The following FLT3 variants were observed in gnomAD, a reference collection of about 807,000 sequenced individuals.
FLT3 encodes receptor-type tyrosine-protein kinase FLT3.
FLT3 carries 46 observed loss-of-function variants against 126.6 expected under a neutral mutation model. The ratio of observed to expected loss-of-function variants is 0.36; its 90% CI spans 0.29 to 0.46. The LOEUF (loss-of-function observed/expected upper bound fraction) is 0.46, where lower values mean the gene tolerates loss of function less well. Among genes scored for constraint, FLT3 ranks in the 20% least tolerant of loss-of-function variants. The probability of loss-of-function intolerance (pLI) is 1.00; values close to 1 mark genes in which losing one functional copy is unlikely to be tolerated. For synonymous variants in FLT3, 404 were observed against 434.4 expected, an observed-to-expected ratio of 0.93 and a Z score of 0.87; for missense variants, 1,069 against 1,190.3, an observed-to-expected ratio of 0.90 and a Z score of 1.50.
rs146263595 is a variant in FLT3, at chr13:28,017,522, C to G, written c.2541+945G>C. Among the ~76,000 whole-genome samples the G allele has an allele frequency of 2.2e-3, 339 of 152,302 alleles. 2 individuals carry two copies. Among genetic ancestry groups the G allele is most frequent in the African/African-American group, 7.1e-3 (293 of 41,558 alleles). On this transcript the variant is annotated intron_variant, in intron 20 of 23. Transcript: ENST00000241453. The stretch of plus-strand genomic sequence containing the variant: ...ATTAAAGGCGTGAGCCACCAGCACC[C>G]AGCCAGGTATTGTAATTCTTTAAAA...
intron 9 of FLT3, among the ~76,000 whole-genome samples, chr13:28,038,731 G>A (rs2491238): frequency 0.73 from 110,395 of 152,004 alleles, 41,310 homozygotes; most frequent in East Asian, 0.87. Context: ...GGGATTACAT[G>A]CATGAGCCAC....
rs1170660721 is a variant in FLT3, at chr13:28,052,583, C to T, written c.576G>A (p.Pro192=). 5 of 1,613,592 alleles carry T rather than the reference C, an allele frequency of 3.1e-6. No individual in the cohort carries two copies. The highest frequency in any genetic ancestry group is 2.7e-5 in the African/African-American group (2 of 75,008). ...AATCGCAAAGCACCCATTCCACGAT[C>T]GGCTCTGGAACGCTCTCAGATATGC... is the stretch of plus-strand genomic sequence containing the variant. ...LVCISESVPE[P]IVEWVLCDSQ... The change falls in exon 5 of 24, where the codon CCG becomes CCA. Residue 192 remains proline (P), a synonymous_variant. Transcript: ENST00000241453.
intron 17 of FLT3, among the ~76,000 whole-genome samples, chr13:28,026,484 TGAG>T (rs1289032415): frequency 6.6e-6 from 1 of 151,478 alleles, no homozygotes; most frequent in Admixed American, 6.6e-5. Flanking sequence ...AGTTCAAGGA[TGAG>T]GAGGAGATCC....
rs1249272183 is a variant in FLT3, at chr13:28,062,002, G to T, written c.233C>A (p.Ala78Asp). 1 of 1,613,422 alleles carries T rather than the reference G, an allele frequency of 6.2e-7. No homozygotes were observed. Among genetic ancestry groups the T allele is most frequent in the East Asian group, 2.2e-5 (1 of 44,872 alleles). Residue 78 changes from alanine (A) to aspartate (D), a missense_variant, in exon 3 of 24, where the codon GCT (alanine) becomes GAT (aspartate). Physicochemically the swap from Ala to Asp is moderately radical, Grantham distance 126 (BLOSUM62 -2). Transcript: ENST00000241453. ...RPQSSGTVYE[A>D]AAVEVDVSAS... The stretch of plus-strand genomic sequence containing the variant: ...AGATACATCCACTTCCACAGCGGCA[G>T]CTTCGTACACTGTCCCTGAGCTCTG...
At chr13:28,023,733 T>C (rs745579365) in intron 18 of FLT3, among the ~76,000 whole-genome samples, 3 of 152,216 alleles carry the variant, frequency 2.0e-5, no homozygotes, top group African/African-American at 4.8e-5. Flanking sequence ...TCAGGAGTTT[T>C]AGATACTTCT....
chr13:28,034,679 G>C (rs1157722706), intron 12 of FLT3, among the ~76,000 whole-genome samples: 3 of 152,158 alleles, frequency 2.0e-5, no homozygotes, highest in East Asian at 1.9e-4. Flanking sequence ...TCTGGTCCAG[G>C]CACGATGGCT....
intron 5 of FLT3, 118 bp from the exon 6 acceptor site, chr13:28,050,340 CA>C: frequency 1.1e-6 from 1 of 943,488 alleles, no homozygotes; most frequent in East Asian, 2.6e-5. Flanking sequence ...AACAAAAGGT[CA>C]AAAGGTAAAC....
intron 18 of FLT3, among the ~76,000 whole-genome samples, chr13:28,024,282 C>T (rs1366337066): frequency 6.6e-6 from 1 of 152,046 alleles, no homozygotes; most frequent in Non-Finnish European, 1.5e-5. Context: ...CAGGCGTGCA[C>T]CACCATACCC....
chr13:28,042,537 C>T lies in FLT3; in HGVS notation c.1206-5249G>A, dbSNP rs1227079333. On this transcript the variant is annotated intron_variant, in intron 9 of 23. Transcript: ENST00000241453. ...GAAGGAATAAAGGGTGTTGGCTTTGCCTTCTGTGATTGGGCAAGTAATTTA... is the reference window on the plus strand; with the variant it reads ...GAAGGAATAAAGGGTGTTGGCTTTGTCTTCTGTGATTGGGCAAGTAATTTA... 2.6e-5 allele frequency among the ~76,000 whole-genome samples: 4 copies of T among 152,094 alleles called. 1 individual carries two copies. The East Asian group carries it at 7.7e-4, about 29-fold the overall frequency.
chr13:28,076,338 T>C (rs945601799), intron 1 of FLT3, among the ~76,000 whole-genome samples: 25 of 152,210 alleles, frequency 1.6e-4, no homozygotes, highest in African/African-American at 5.8e-4. Context: ...ATATTTCATA[T>C]ATTTGTATAT....
chr13:28,071,603 C>T (rs1288496166), intron 1 of FLT3, among the ~76,000 whole-genome samples: 3 of 152,054 alleles, frequency 2.0e-5, no homozygotes, highest in African/African-American at 7.2e-5. Context: ...AAGTGCTGAG[C>T]GTCTATCCTA....
intron 10 of FLT3, 52 bp from the exon 11 acceptor site, chr13:28,036,095 C>T (rs1318370421): frequency 4.2e-6 from 6 of 1,441,756 alleles, no homozygotes; most frequent in Non-Finnish European, 5.9e-6. Context: ...TAGTGGTTCA[C>T]TCCTATAATA....
At chr13:28,067,002 T>C (rs1281462506) in intron 2 of FLT3, among the ~76,000 whole-genome samples, 1 of 152,186 alleles carries the variant, frequency 6.6e-6, no homozygotes, top group Non-Finnish European at 1.5e-5. Flanking sequence ...CTGAATATGA[T>C]GCTCTGGGAA....
chr13:28,033,641 G>C (rs1005955579), intron 15 of FLT3, among the ~76,000 whole-genome samples: 2 of 152,144 alleles, frequency 1.3e-5, no homozygotes, highest in African/African-American at 4.8e-5. Context: ...GTGAGACCCT[G>C]TCTCAAAAAA....
chr13:28,062,162 CT>C lies in FLT3; in HGVS notation c.166-94del, dbSNP rs1204412104. On this transcript the variant is annotated intron_variant, in intron 2 of 23. Transcript: ENST00000241453. ...CAAAACTTTATCAAACATATGCATGCTGACACACTGCACGCAACACCCACAC... is the reference window on the plus strand; with the variant it reads ...CAAAACTTTATCAAACATATGCATGCGACACACTGCACGCAACACCCACAC... 3 of 905,636 alleles carry C rather than the reference CT, an allele frequency of 3.3e-6. No homozygotes were observed. The Admixed American group carries it at 6.2e-5, about 19-fold the overall frequency. The allele number at this position is 905,636 out of a possible 1,614,324, so 56.1% of individuals were successfully genotyped here.
At chr13:28,034,268 G>T in intron 13 of FLT3, 33 bp downstream of exon 13, 1 of 1,613,284 alleles carries the variant, frequency 6.2e-7, no homozygotes, top group African/African-American at 1.3e-5. Flanking sequence ...GCAGATAGAG[G>T]AAAGAATAAT....
chr13:28,072,318 A>G (rs1314871831), intron 1 of FLT3, among the ~76,000 whole-genome samples: 1 of 152,010 alleles, frequency 6.6e-6, no homozygotes, highest in Non-Finnish European at 1.5e-5. Flanking sequence ...TAACCTATCC[A>G]TCAGCTTGTA....
At chr13:28,082,664 A>C (rs910052152) in intron 1 of FLT3, among the ~76,000 whole-genome samples, 20 of 141,046 alleles carry the variant, frequency 1.4e-4, no homozygotes, top group Admixed American at 1.0e-3. Flanking sequence ...CACGACGCCC[A>C]GCTAATTTTT....
intron 21 of FLT3, 82 bp from the exon 22 acceptor site, chr13:28,015,338 G>A: frequency 1.0e-6 from 1 of 965,972 alleles, no homozygotes; most frequent in South Asian, 1.4e-5. Flanking sequence ...CACGTATTGA[G>A]ATCTGCCATG....
Sources: gnomAD v4.1 joint callset for allele counts (sites outside exome capture counted in the v4.1 genomes callset) on GRCh38, gnomAD v4.1.1 for gene constraint, MANE v1.5 for transcripts, NCBI Gene and HGNC (gene_info 2026-07-23, HGNC 2026-07-21) for gene names.